Variants in APBB2 observed in about 807,000 individuals in gnomAD.
APBB2 encodes the protein Fe65-like 1.
Under a neutral mutation model 82.5 loss-of-function variants are expected in APBB2, and 38 were observed. That is an observed-to-expected ratio of 0.46 (90% confidence interval 0.36 to 0.60). APBB2 has a LOEUF of 0.60. Ranked by LOEUF, APBB2 falls within the 20% of genes least tolerant of loss-of-function variation. The pLI is 0.00. For missense variants in APBB2, 772 were observed against 972.3 expected (o/e 0.79, Z 2.74); for synonymous variants, 341 against 368.2 (o/e 0.93, Z 0.85).
intron 6 of APBB2, among the ~76,000 whole-genome samples, chr4:40,948,890 CAAAAAAAAAA>C (rs59172492): frequency 4.0e-4 from 41 of 101,568 alleles, no homozygotes; most frequent in East Asian, 1.7e-3. Context: ...ATCCTGTCTC[CAAAAAAAAAA>C]AAAAAAAAAA....
At chr4:41,157,488 C>G (rs1443842993) in intron 1 of APBB2, among the ~76,000 whole-genome samples, 2 of 152,162 alleles carry the variant, frequency 1.3e-5, no homozygotes, top group Non-Finnish European at 2.9e-5. Flanking sequence ...AAACGCTCTA[C>G]CGATAGGTGG....
Position 40,814,790 on chromosome 4 carries a change from A to T in APBB2, c.*1302T>A, listed in dbSNP as rs1745183086. On this transcript the variant is annotated 3_prime_UTR_variant, in exon 18 of 18. Transcript: ENST00000508593. ...TAAGTTTCTCACCTACATACGAAGGAGCAGGAAAATGCTGTTTTGGGAAAC... is the reference window on the plus strand; with the variant it reads ...TAAGTTTCTCACCTACATACGAAGGTGCAGGAAAATGCTGTTTTGGGAAAC... The T allele has an allele frequency of 1.3e-5, 2 of 152,224 alleles. No individual in the cohort carries two copies. Among genetic ancestry groups the T allele is most frequent in the Non-Finnish European group, 2.9e-5 (2 of 68,040 alleles). The allele number at this position is 152,224 out of a possible 1,614,324, so 9.4% of individuals were successfully genotyped here. A position where few individuals can be genotyped will look rare whatever the true frequency, so the allele number is the denominator to read the frequency against.
intron 1 of APBB2, among the ~76,000 whole-genome samples, chr4:41,179,673 A>G (rs1770803094): frequency 6.6e-6 from 1 of 152,258 alleles, no homozygotes. Flanking sequence ...TGCTGGTACA[A>G]GAAATGTAAT....
At chr4:40,998,324 A>G (rs1449400765) in intron 6 of APBB2, among the ~76,000 whole-genome samples, 1 of 152,230 alleles carries the variant, frequency 6.6e-6, no homozygotes, top group African/African-American at 2.4e-5. Flanking sequence ...TAACCAACGC[A>G]TGATGTTATA....
intron 3 of APBB2, among the ~76,000 whole-genome samples, chr4:41,098,685 C>T (rs968240292): frequency 6.6e-6 from 1 of 152,112 alleles, no homozygotes. Flanking sequence ...GCACTAGAGA[C>T]TATGTGAAAT....
At chr4:41,033,431 T>A in intron 4 of APBB2, 127 bp from the exon 5 acceptor site, 1 of 537,448 alleles carries the variant, frequency 1.9e-6, no homozygotes, top group Non-Finnish European at 3.1e-6. Context: ...GCAGATAATG[T>A]CCAAATTTTT....
At position 41,054,336 on chromosome 4, in the gene APBB2, C is replaced by T. The variant is rs187417974; in HGVS notation, c.-51+11240G>A. Among the ~76,000 whole-genome samples the T allele has an allele frequency of 4.6e-5, 7 of 152,356 alleles. No homozygotes were observed. The East Asian group carries it at 1.2e-3, about 25-fold the overall frequency. ...GGTCTCACTGGCCAGAAGTAGGTCA[C>T]AGGGCCACACTTGCTACAAGGAATG... On this transcript the variant is annotated intron_variant, in intron 4 of 17. Coordinates refer to ENST00000508593, the MANE Select transcript of APBB2 (RefSeq NM_004307.2).
chr4:41,180,323 G>T (rs1023546250), intron 1 of APBB2, among the ~76,000 whole-genome samples: 1 of 152,170 alleles, frequency 6.6e-6, no homozygotes, highest in African/African-American at 2.4e-5. Flanking sequence ...GAGTAAACTT[G>T]GCTGGACACA....
chr4:40,988,851 C>T (rs952968704), intron 6 of APBB2, among the ~76,000 whole-genome samples: 1 of 151,200 alleles, frequency 6.6e-6, no homozygotes, highest in Non-Finnish European at 1.5e-5. Context: ...CTGCAGCCTC[C>T]GCTTCCCGGG....
chr4:41,021,515 C>T (rs996479145), intron 5 of APBB2, among the ~76,000 whole-genome samples: 4 of 152,162 alleles, frequency 2.6e-5, no homozygotes, highest in African/African-American at 9.7e-5. Context: ...CACTCTATGT[C>T]TTGCTAAAGG....
intron 6 of APBB2, among the ~76,000 whole-genome samples, chr4:41,003,258 T>G (rs145252651): frequency 2.4e-3 from 366 of 152,314 alleles, no homozygotes; most frequent in Non-Finnish European, 4.4e-3. Context: ...CCCCAAACTA[T>G]CTAGAAGTCC....
intron 4 of APBB2, among the ~76,000 whole-genome samples, chr4:41,046,307 T>TA (rs1723416779): frequency 6.6e-6 from 1 of 152,200 alleles, no homozygotes; most frequent in Admixed American, 6.5e-5. Flanking sequence ...GGAAGGAATT[T>TA]AAAAAGCAAA....
intron 12 of APBB2, chr4:40,880,058 C>T: frequency 1.0e-6 from 1 of 985,354 alleles, no homozygotes; most frequent in Non-Finnish European, 1.2e-6. Context: ...GGAGCGATGG[C>T]ACTTATGACC....
intron 12 of APBB2, among the ~76,000 whole-genome samples, chr4:40,884,144 A>T (rs1769524447): frequency 6.6e-6 from 1 of 152,218 alleles, no homozygotes; most frequent in South Asian, 2.1e-4. Context: ...CAAGATGAAC[A>T]GAGTAGCTTC....
intron 2 of APBB2, among the ~76,000 whole-genome samples, chr4:41,121,835 T>C (rs1752917039): frequency 6.6e-6 from 1 of 152,100 alleles, no homozygotes; most frequent in Non-Finnish European, 1.5e-5. Flanking sequence ...GGCTCCTATA[T>C]ACCCTGTCCC....
At chr4:41,010,823 T>G (rs966444700) in intron 6 of APBB2, among the ~76,000 whole-genome samples, 1 of 152,194 alleles carries the variant, frequency 6.6e-6, no homozygotes, top group Non-Finnish European at 1.5e-5. Context: ...TGGAGTAACT[T>G]TTTCCTGGTT....
At chr4:40,879,099 C>T (rs2154344826) in intron 12 of APBB2, among the ~76,000 whole-genome samples, 2 of 151,992 alleles carry the variant, frequency 1.3e-5, no homozygotes, top group South Asian at 2.1e-4. Context: ...AACATGAGAC[C>T]CAGTGCCTGA....
At position 41,184,181 on chromosome 4, in the gene APBB2, G is replaced by A. The variant is rs184502152; in HGVS notation, c.-417+30224C>T. Among the ~76,000 whole-genome samples, 234 of 152,174 alleles carry A rather than the reference G, an allele frequency of 1.5e-3. No homozygotes were observed. The East Asian group carries it at 0.016, about 10-fold the overall frequency. ...GGTGGTAATGAGAGCCATGGGGAGC[G>A]GCTGTAAATACATATGAAGCTTCAT... On this transcript the variant is annotated intron_variant, in intron 1 of 17. Coordinates refer to ENST00000508593, the MANE Select transcript of APBB2 (RefSeq NM_004307.2).
intron 10 of APBB2, among the ~76,000 whole-genome samples, chr4:40,930,629 T>C (rs973219198): frequency 6.6e-6 from 1 of 152,192 alleles, no homozygotes; most frequent in Non-Finnish European, 1.5e-5. Flanking sequence ...AATTTTTATT[T>C]TTTTCAGCAT....
Sources: allele counts gnomAD v4.1 joint callset (sites outside exome capture counted in the v4.1 genomes callset), GRCh38; gene constraint gnomAD v4.1.1; transcripts MANE v1.5; gene names NCBI Gene and HGNC (gene_info 2026-07-23, HGNC 2026-07-21).